Variants in PIK3R3 observed in about 807,000 individuals in gnomAD.
PIK3R3 encodes phosphoinositide-3-kinase regulatory subunit 3, also known as phosphatidylinositol 3-kinase regulatory subunit gamma.
In PIK3R3, 64 loss-of-function variants were observed where a neutral mutation model predicts 62.9. The observed-to-expected ratio is 1.02, with a 90% CI of 0.83 to 1.25. The LOEUF (loss-of-function observed/expected upper bound fraction) is 1.25, where lower values mean the gene tolerates loss of function less well. Ranked by LOEUF, PIK3R3 falls within the 50% of genes most tolerant of loss-of-function variation. The probability of loss-of-function intolerance (pLI) is 0.00; values close to 1 mark genes in which losing one functional copy is unlikely to be tolerated. For missense variants in PIK3R3, 614 were observed against 561.6 expected, an observed-to-expected ratio of 1.09 and a Z score of -0.94; for synonymous variants, 165 against 189.0, an observed-to-expected ratio of 0.87 and a Z score of 1.04.
intron 1 of PIK3R3, among the ~76,000 whole-genome samples, chr1:46,107,276 G>A (rs1271457501): frequency 6.6e-6 from 1 of 151,944 alleles, no homozygotes; most frequent in Non-Finnish European, 1.5e-5. Context: ...CTTGAACCTG[G>A]GAGGTTGCAG....
At chr1:46,076,505 G>A (rs1650077350) in intron 3 of PIK3R3, among the ~76,000 whole-genome samples, 1 of 152,176 alleles carries the variant, frequency 6.6e-6, no homozygotes, top group South Asian at 2.1e-4. Flanking sequence ...GAAAAATTGT[G>A]TTCAATGAAT....
chr1:46,133,348 G>C (rs1244939332), upstream of PIK3R3, among the ~76,000 whole-genome samples: 1 of 152,228 alleles, frequency 6.6e-6, no homozygotes, highest in Non-Finnish European at 1.5e-5. Flanking sequence ...CGAGTAAGGA[G>C]AGGAGCCAGG....
chr1:46,060,032 G>A (rs953930379), intron 6 of PIK3R3, among the ~76,000 whole-genome samples: 11 of 151,782 alleles, frequency 7.2e-5, no homozygotes, highest in African/African-American at 2.2e-4. Context: ...CCCAGGAGGC[G>A]GAGGGTGCAG....
At chr1:46,120,411 A>G (rs943219043) in intron 1 of PIK3R3, among the ~76,000 whole-genome samples, 5 of 152,166 alleles carry the variant, frequency 3.3e-5, no homozygotes, top group Non-Finnish European at 7.3e-5. Flanking sequence ...CCACATCTCT[A>G]CTAAAGACAA....
At chr1:46,043,961 T>A in intron 9 of PIK3R3, 90 bp from the exon 10 acceptor site, 1 of 1,103,600 alleles carries the variant, frequency 9.1e-7, no homozygotes, top group Non-Finnish European at 1.3e-6. Flanking sequence ...GCAATTGTTA[T>A]GCAAACAAGT....
intron 1 of PIK3R3, among the ~76,000 whole-genome samples, chr1:46,122,831 A>G (rs10890383): frequency 0.35 from 52,698 of 152,040 alleles, 11,204 homozygotes; most frequent in East Asian, 0.58. Context: ...CTGATAATAA[A>G]TAATATTAAC....
chr1:46,148,010 C>T, the PIK3R3 span, among the ~76,000 whole-genome samples: 1 of 152,154 alleles, frequency 6.6e-6, no homozygotes, highest in African/African-American at 2.4e-5. Flanking sequence ...AGTTAAAACA[C>T]TAAAGAATTT....
intron 1 of PIK3R3, among the ~76,000 whole-genome samples, chr1:46,096,846 A>C (rs1411404203): frequency 6.6e-6 from 1 of 151,866 alleles, no homozygotes; most frequent in Non-Finnish European, 1.5e-5. Context: ...GTCTTAAAAA[A>C]AAAAAAAAAG....
upstream of PIK3R3, among the ~76,000 whole-genome samples, chr1:46,137,353 T>A (rs1655968432): frequency 6.6e-6 from 1 of 152,152 alleles, no homozygotes; most frequent in Non-Finnish European, 1.5e-5. Flanking sequence ...TAATCAAGAA[T>A]TTGACAAAGT....
rs545788127 is a variant in PIK3R3, at chr1:46,107,041, G to A, written c.106+24806C>T. ...CTCCCAAAGTGCTGGGATTACAGGCGTGAGCCACCGTGCCCGGCTGCCTTA... is the reference window on the plus strand; with the variant it reads ...CTCCCAAAGTGCTGGGATTACAGGCATGAGCCACCGTGCCCGGCTGCCTTA... On this transcript the variant is annotated intron_variant, in intron 1 of 9. Transcript: ENST00000262741. 1.7e-3 allele frequency among the ~76,000 whole-genome samples: 261 copies of A among 152,236 alleles called. 1 individual carries two copies. The highest frequency in any genetic ancestry group is 2.7e-3 in the Non-Finnish European group (181 of 68,014).
the PIK3R3 span, among the ~76,000 whole-genome samples, chr1:46,142,719 GA>G: frequency 2.7e-5 from 4 of 150,640 alleles, no homozygotes; most frequent in East Asian, 2.0e-4. Flanking sequence ...AAAAAGAAAA[GA>G]AAAAAAAAGA....
At chr1:46,051,861 T>C (rs1647379790) in intron 7 of PIK3R3, among the ~76,000 whole-genome samples, 1 of 152,094 alleles carries the variant, frequency 6.6e-6, no homozygotes, top group Non-Finnish European at 1.5e-5. Flanking sequence ...AAATTAAGCA[T>C]AGTAAGGGAT....
chr1:46,155,058 A>T, the PIK3R3 span, among the ~76,000 whole-genome samples: 1 of 152,204 alleles, frequency 6.6e-6, no homozygotes. Context: ...AGTGGCTCCT[A>T]CCTGAAATCC....
rs144850738 is a variant in PIK3R3 at position 46,053,757 on chromosome 1, G to T, written c.941+2038C>A. ...TTTTATAGCAGCCTAAACAGACTAA[G>T]ACACCACACTTATTCACGCCCCTTG... is the stretch of plus-strand genomic sequence containing the variant. On this transcript the variant is annotated intron_variant, in intron 7 of 9. Coordinates refer to ENST00000262741, the MANE Select transcript of PIK3R3 (RefSeq NM_003629.4). Among the ~76,000 whole-genome samples, 633 of 152,212 alleles carry T rather than the reference G, an allele frequency of 4.2e-3. 5 individuals are homozygous for T. The highest frequency in any genetic ancestry group is 0.014 in the African/African-American group (590 of 41,536).
In PIK3R3 at chr1:46,066,094, T is replaced by G. The variant is rs1557572762; in HGVS notation, c.581A>C (p.Glu194Ala). 1 of 1,605,418 alleles carries G rather than the reference T, an allele frequency of 6.2e-7. No individual in the cohort carries two copies. The highest frequency in any genetic ancestry group is 8.5e-7 in the Non-Finnish European group (1 of 1,172,490). ...YHSQYQEKSK[E>A]YDRLYEEYTR... ...ATATTCTTCATACAGCCTATCATACTCTTTACTCTTCTCCTGATACTGAGA... is the reference window on the plus strand; with the variant it reads ...ATATTCTTCATACAGCCTATCATACGCTTTACTCTTCTCCTGATACTGAGA... The change falls in exon 5 of 10, where the codon GAG becomes GCG. Residue 194 changes from glutamate to alanine, a missense_variant. Coordinates refer to ENST00000262741, the MANE Select transcript of PIK3R3 (RefSeq NM_003629.4).
At position 46,046,039 on chromosome 1, in the gene PIK3R3, T is replaced by C. The variant is rs763977015; in HGVS notation, c.1066A>G (p.Lys356Glu). The change falls in exon 9 of 10, where the codon AAA (lysine) becomes GAA (glutamate). Residue 356 changes from lysine (K) to glutamate (E), a missense_variant. Transcript: ENST00000262741. Reference sequence around the variant, plus strand: ...TTGATATCCTCAACAAACCAGGTTTTCTCATCATAATGGGGCAGGTTTTCA... The same window carrying C: ...TTGATATCCTCAACAAACCAGGTTTCCTCATCATAATGGGGCAGGTTTTCA... ...EDENLPHYDE[K>E]TWFVEDINRV... The C allele has an allele frequency of 2.5e-6, 4 of 1,611,650 alleles. No homozygotes were observed. The highest frequency in any genetic ancestry group is 3.4e-6 in the Non-Finnish European group (4 of 1,178,096).
intron 1 of PIK3R3, among the ~76,000 whole-genome samples, chr1:46,088,871 C>A (rs1651338488): frequency 1.4e-5 from 2 of 146,936 alleles, no homozygotes; most frequent in Admixed American, 6.7e-5. Context: ...TAAAATCTAT[C>A]ACAAGGGGAA....
chr1:46,059,574 G>A (rs1458566046), intron 6 of PIK3R3, among the ~76,000 whole-genome samples: 1 of 152,104 alleles, frequency 6.6e-6, no homozygotes, highest in Admixed American at 6.6e-5. Flanking sequence ...CAGCACTTTG[G>A]GAAGCTGAGC....
chr1:46,067,436 A>C (rs1041881228), intron 3 of PIK3R3, among the ~76,000 whole-genome samples: 21 of 151,976 alleles, frequency 1.4e-4, no homozygotes, highest in Admixed American at 1.2e-3. Flanking sequence ...ATGAATTTTC[A>C]AATTTAAATT....
Sources: gnomAD v4.1 joint callset for allele counts (sites outside exome capture counted in the v4.1 genomes callset) on GRCh38, gnomAD v4.1.1 for gene constraint, MANE v1.5 for transcripts, NCBI Gene and HGNC (gene_info 2026-07-23, HGNC 2026-07-21) for gene names.